The following SRCIN1 variants were observed in gnomAD, a reference collection of about 807,000 sequenced individuals.
SRCIN1 encodes the protein SRC kinase signaling inhibitor 1, also known as P130Cas-associated protein.
In SRCIN1, 50 loss-of-function variants were observed where a neutral mutation model predicts 116.2. That is an observed-to-expected ratio of 0.43 (90% CI 0.34 to 0.54). The LOEUF is 0.54. SRCIN1 is among the 20% of genes least tolerant of loss of function. SRCIN1 has a pLI of 0.02. For synonymous variants in SRCIN1, 736 were observed against 750.0 expected, an observed-to-expected ratio of 0.98 and a Z score of 0.30; for missense variants, 1,446 against 1,672.0, an observed-to-expected ratio of 0.86 and a Z score of 2.36.
intron 11 of SRCIN1, among the ~76,000 whole-genome samples, chr17:38,556,017 G>A (rs1050439574): frequency 3.3e-5 from 5 of 152,204 alleles, no homozygotes; most frequent in Admixed American, 2.0e-4. Context: ...ATCTGCCAAA[G>A]TTGGGGGGCC....
chr17:38,553,802 C>T (rs185848030), intron 11 of SRCIN1, among the ~76,000 whole-genome samples: 16 of 152,262 alleles, frequency 1.1e-4, no homozygotes, highest in African/African-American at 3.9e-4. Flanking sequence ...AAACTTGGTT[C>T]TAGAGTCAGA....
At chr17:38,582,695 A>T (rs915766515) in intron 1 of SRCIN1, among the ~76,000 whole-genome samples, 25 of 152,180 alleles carry the variant, frequency 1.6e-4, no homozygotes, top group Non-Finnish European at 3.2e-4. Flanking sequence ...TGATGTGAAA[A>T]GCTTTAGAAT....
At chr17:38,551,647 CAT>C (rs1354002561) in intron 14 of SRCIN1, 3 of 668,526 alleles carry the variant, frequency 4.5e-6, no homozygotes, top group Non-Finnish European at 7.6e-6. Flanking sequence ...TCACTGACTA[CAT>C]AGTCTATTCT....
In SRCIN1 at chr17:38,548,569, G is replaced by T; in HGVS notation, c.3258C>A (p.Ile1086=). ...IKDEDDEDRI[I]AELESGGGSV... ...TGCCCTGACCTACCTCTAGCTCTGC[G>T]ATGATGCGATCCTCGTCATCCTCGT... The change falls in exon 17 of 19, where the codon ATC becomes ATA. Residue 1086 remains isoleucine (I), a synonymous_variant. Transcript: ENST00000617146. 1 of 1,611,780 alleles carries T rather than the reference G, an allele frequency of 6.2e-7. No individual in the cohort carries two copies. The highest frequency in any genetic ancestry group is 8.5e-7 in the Non-Finnish European group (1 of 1,179,790).
intron 11 of SRCIN1, among the ~76,000 whole-genome samples, chr17:38,556,234 G>T (rs1164120294): frequency 6.6e-6 from 1 of 152,212 alleles, no homozygotes; most frequent in Non-Finnish European, 1.5e-5. Context: ...ATTTCAAGAT[G>T]GCAACAGCAG....
At chr17:38,546,882 G>A (rs576172685) in intron 17 of SRCIN1, among the ~76,000 whole-genome samples, 4 of 150,994 alleles carry the variant, frequency 2.6e-5, no homozygotes, top group African/African-American at 4.9e-5. Context: ...TAGGGAGTGT[G>A]TGCACACGGG....
intron 17 of SRCIN1, chr17:38,547,835 C>T (rs1167551105): frequency 4.3e-5 from 5 of 117,190 alleles, no homozygotes; most frequent in Non-Finnish European, 5.1e-5. Flanking sequence ...GATCAGCTGG[C>T]GGCGGGGCGT....
At chr17:38,548,441 C>A in intron 17 of SRCIN1, 116 bp downstream of exon 17, 2 of 1,323,022 alleles carry the variant, frequency 1.5e-6, no homozygotes, top group Non-Finnish European at 2.1e-6. Context: ...AGCCAGCGCT[C>A]CGCAGGGAGC....
chr17:38,572,239 TGGGGC>T lies in SRCIN1; in HGVS notation c.325-4013_325-4009del. On this transcript the variant is annotated intron_variant, in intron 2 of 18. Coordinates refer to ENST00000617146, the MANE Select transcript of SRCIN1 (RefSeq NM_025248.3). This position sits in a 1 kb window ranked among gnomAD's most constrained non-coding sequence, Gnocchi z 4.3. ...CAGCGTAAACACTCGTCCCCCGGGC[TGGGGC>T]TAAGCCACTCGCCCCTCCTCGGGCG... Among the ~76,000 whole-genome samples, 1 of 152,272 alleles carries T rather than the reference TGGGGC, an allele frequency of 6.6e-6. No individual in the cohort carries two copies. Among genetic ancestry groups the T allele is most frequent in the South Asian group, 2.1e-4 (1 of 4,824 alleles).
chr17:38,604,281 C>T lies in SRCIN1; in HGVS notation c.22+1403G>A, dbSNP rs1381214096. On this transcript the variant is annotated intron_variant, in intron 1 of 18. Transcript: ENST00000617146. This position sits in a 1 kb window ranked among gnomAD's most constrained non-coding sequence, Gnocchi z 4.3. ...CAGCTTCCCTCACTCCCAAGCCTCA[C>T]CTGTTTCTCCCTTCCCCAAAACAGA... Among the ~76,000 whole-genome samples, 1 of 152,180 alleles carries T rather than the reference C, an allele frequency of 6.6e-6. No individual in the cohort carries two copies. The highest frequency in any genetic ancestry group is 1.5e-5 in the Non-Finnish European group (1 of 68,030).
Position 38,583,140 on chromosome 17 carries a change from G to A in SRCIN1, c.23-4349C>T, listed in dbSNP as rs115606805. On this transcript the variant is annotated intron_variant, in intron 1 of 18. Coordinates refer to ENST00000617146, the MANE Select transcript of SRCIN1 (RefSeq NM_025248.3). ...GCTGGAGTGCAGTGGCGCGATTATG[G>A]CTCAGTGCAGCCTCAACCTGGGCTC... Among the ~76,000 whole-genome samples, 719 of 152,250 alleles carry A rather than the reference G, an allele frequency of 4.7e-3. 3 individuals carry two copies. The highest frequency in any genetic ancestry group is 0.016 in the African/African-American group (679 of 41,532).
At chr17:38,546,340 G>A (rs1052387868) in intron 17 of SRCIN1, 2 of 152,398 alleles carry the variant, frequency 1.3e-5, no homozygotes, top group Non-Finnish European at 2.9e-5. Flanking sequence ...AACCCAGGTA[G>A]TCTGACTCCA....
chr17:38,605,691 C>G lies in SRCIN1; in HGVS notation c.15G>C (p.Pro5=). 2.5e-6 allele frequency: 3 copies of G among 1,200,574 alleles called. No individual in the cohort carries two copies. The highest frequency in any genetic ancestry group is 1.6e-5 in the African/African-American group (1 of 61,090). 74.4% of individuals were successfully genotyped at this position (1,200,574 alleles called of 1,614,324 possible). ...AGAGAGACAGGGACATGCCTTGGGA[C>G]GGAGCGTTCCCCATCGGGCGGGGGC... MGNA[P]SQDPERSSPP... is the part of the protein sequence containing the mutation. Residue 5 remains proline, a synonymous_variant, in exon 1 of 19, where the codon CCG becomes CCC. Transcript: ENST00000617146.
chr17:38,570,666 G>A (rs1024363874), intron 2 of SRCIN1, among the ~76,000 whole-genome samples: 1 of 152,238 alleles, frequency 6.6e-6, no homozygotes, highest in Non-Finnish European at 1.5e-5. Flanking sequence ...GTCCTGGGAG[G>A]GAGATAAAGA....
intron 2 of SRCIN1, among the ~76,000 whole-genome samples, chr17:38,570,871 C>A (rs1907038004): frequency 6.6e-6 from 1 of 152,230 alleles, no homozygotes; most frequent in African/African-American, 2.4e-5. Context: ...GGAAGAGGGG[C>A]TGCGCTTGTG....
At position 38,562,772 on chromosome 17, in the gene SRCIN1, C is replaced by A. The variant is rs1906361031; in HGVS notation, c.834+55G>T. On this transcript the variant is annotated intron_variant, in intron 6 of 18. Transcript: ENST00000617146. This position sits in a 1 kb window ranked among gnomAD's most constrained non-coding sequence, Gnocchi z 4.2. Reference sequence around the variant, plus strand: ...AGATGACAACTGCCCAGACCCTGCTCCCCTGGACCCCATGTGCCCAGCCTC... The same window carrying A: ...AGATGACAACTGCCCAGACCCTGCTACCCTGGACCCCATGTGCCCAGCCTC... The A allele has an allele frequency of 9.3e-6, 14 of 1,507,234 alleles. No homozygotes were observed. The South Asian group carries it at 1.4e-4, about 15-fold the overall frequency. The allele number at this position is 1,507,234 out of a possible 1,614,324, so 93.4% of individuals were successfully genotyped here.
Position 38,564,282 on chromosome 17 carries a change from T to C in SRCIN1, c.377A>G (p.Gln126Arg). The change falls in exon 4 of 19, where the codon CAG (glutamine) becomes CGG (arginine). Residue 126 changes from glutamine to arginine, a missense_variant. By Grantham distance (43) the Gln-to-Arg change is conservative. Transcript: ENST00000617146. ...TRSSRHTQGA[Q>R]PGLADQAAKL... ...TGCCGCCTGGTCTGCCAGCCCGGGC[T>C]GGGCTCCCTGAGTGTGGCGTGAGCT... 6.4e-7 allele frequency: 1 copy of C among 1,569,262 alleles called. No individual in the cohort carries two copies. The highest frequency in any genetic ancestry group is 8.6e-7 in the Non-Finnish European group (1 of 1,161,370).
intron 3 of SRCIN1, among the ~76,000 whole-genome samples, chr17:38,566,269 C>T (rs548263876): frequency 1.3e-5 from 2 of 152,190 alleles, no homozygotes; most frequent in South Asian, 4.2e-4. Context: ...AGGCAGAAAC[C>T]CTGGGAGAAG....
chr17:38,586,484 A>G (rs1192248798), intron 1 of SRCIN1, among the ~76,000 whole-genome samples: 5 of 152,222 alleles, frequency 3.3e-5, no homozygotes, highest in Non-Finnish European at 1.5e-5. Context: ...AGCAAGGGAA[A>G]CTGAGGCTCA....
Sources: gnomAD v4.1 joint callset for allele counts (sites outside exome capture counted in the v4.1 genomes callset) on GRCh38, gnomAD v4.1.1 for gene constraint, Gnocchi (gnomAD v3.1) non-coding constraint, MANE v1.5 for transcripts, NCBI Gene and HGNC (gene_info 2026-07-23, HGNC 2026-07-21) for gene names.